Variants in DNAJC11 observed in about 807,000 individuals in gnomAD.
DNAJC11 encodes the protein dnaJ homolog subfamily C member 11.
A neutral mutation model predicts 78.6 loss-of-function variants in DNAJC11; 15 were observed. The ratio of observed to expected loss-of-function variants is 0.19; its 90% CI spans 0.13 to 0.29. The LOEUF (loss-of-function observed/expected upper bound fraction) is 0.29, where lower values mean the gene tolerates loss of function less well. DNAJC11 is among the 10% of genes least tolerant of loss of function. The pLI, the probability that DNAJC11 is intolerant of heterozygous loss-of-function variation, is 1.00. For missense variants in DNAJC11, 547 were observed against 709.6 expected (o/e 0.77, Z 2.60); for synonymous variants, 292 against 272.1 (o/e 1.07, Z -0.72).
chr1:6,652,839 C>T lies in DNAJC11; in HGVS notation c.620G>A (p.Gly207Glu), dbSNP rs781106552. 1 of 1,614,196 alleles carries T rather than the reference C, an allele frequency of 6.2e-7. No individual in the cohort carries two copies. The highest frequency in any genetic ancestry group is 8.5e-7 in the Non-Finnish European group (1 of 1,180,038). ...FALRRVTSAK[G>E]WGELEFGAGD... ...AATAGACATTCTTACCTCTCCCCAT[C>T]CCTTTGCCGAAGTTACTCGTCTGAG... Residue 207 changes from glycine to glutamate, a missense_variant, in exon 6 of 16, where the codon GGA becomes GAA. By Grantham distance (98) the Gly-to-Glu change is moderately conservative. Transcript: ENST00000377577.
At chr1:6,656,414 T>C (rs1642127371) in intron 4 of DNAJC11, among the ~76,000 whole-genome samples, 1 of 152,120 alleles carries the variant, frequency 6.6e-6, no homozygotes, top group African/African-American at 2.4e-5. Flanking sequence ...TAAATAAAGA[T>C]GATTTAGAAA....
At chr1:6,695,121 G>C (rs749673625) in intron 1 of DNAJC11, among the ~76,000 whole-genome samples, 1 of 149,282 alleles carries the variant, frequency 6.7e-6, no homozygotes, top group Non-Finnish European at 1.5e-5. Context: ...GCTCCAGCCT[G>C]GGTGACAGAG....
chr1:6,668,033 A>T (rs190334256), intron 3 of DNAJC11: 2 of 530,324 alleles, frequency 3.8e-6, no homozygotes, highest in Admixed American at 6.4e-5. Context: ...GGTTGAAATG[A>T]GTTTTCACTC....
At position 6,652,882 on chromosome 1, in the gene DNAJC11, C is replaced by T. The variant is rs372958185; in HGVS notation, c.577G>A (p.Gly193Ser). 1 of 1,614,058 alleles carries T rather than the reference C, an allele frequency of 6.2e-7. No individual in the cohort carries two copies. Among genetic ancestry groups the T allele is most frequent in the African/African-American group, 1.3e-5 (1 of 74,924 alleles). The change falls in exon 6 of 16, where the codon GGT becomes AGT. Residue 193 changes from glycine to serine, a missense_variant. Transcript: ENST00000377577. ...CGTCTGAGCGCAAAGTTAATGGAACCTCCTCCATTTCCATTCTGGGTTGAG... is the reference window on the plus strand; with the variant it reads ...CGTCTGAGCGCAAAGTTAATGGAACTTCCTCCATTTCCATTCTGGGTTGAG... Reference protein sequence around the residue: ...SLSTQNGNGGGSINFALRRVT... With the variant: ...SLSTQNGNGGSSINFALRRVT...
At chr1:6,666,423 G>A (rs1185608318) in intron 4 of DNAJC11, among the ~76,000 whole-genome samples, 2 of 127,262 alleles carry the variant, frequency 1.6e-5, no homozygotes, top group African/African-American at 3.2e-5. Context: ...GTCTCACTCT[G>A]TTGTCCAGGC....
At chr1:6,677,274 A>G (rs968338964) in intron 3 of DNAJC11, among the ~76,000 whole-genome samples, 1 of 151,588 alleles carries the variant, frequency 6.6e-6, no homozygotes, top group Non-Finnish European at 1.5e-5. Context: ...AGCAAAATTT[A>G]TTGGGCATCA....
chr1:6,659,394 C>T (rs1434610162), intron 4 of DNAJC11, among the ~76,000 whole-genome samples: 2 of 152,228 alleles, frequency 1.3e-5, no homozygotes, highest in East Asian at 1.9e-4. Flanking sequence ...CAGATGGCCA[C>T]GTGGCTAACT....
At chr1:6,693,016 C>T (rs1249137395) in intron 1 of DNAJC11, among the ~76,000 whole-genome samples, 2 of 152,152 alleles carry the variant, frequency 1.3e-5, no homozygotes, top group African/African-American at 4.8e-5. Flanking sequence ...AGCAATTCTC[C>T]TGTCTCAACC....
intron 1 of DNAJC11, among the ~76,000 whole-genome samples, chr1:6,695,662 G>T (rs1037314549): frequency 1.4e-5 from 1 of 70,620 alleles, no homozygotes; most frequent in African/African-American, 4.7e-5. Context: ...AAAAAAATTA[G>T]CCGGGTGTAC....
intron 7 of DNAJC11, among the ~76,000 whole-genome samples, chr1:6,650,226 A>C (rs1642034138): frequency 1.3e-5 from 2 of 151,722 alleles, no homozygotes; most frequent in African/African-American, 4.8e-5. Flanking sequence ...TTGCATCACT[A>C]TTCTCCAGCC....
chr1:6,665,447 C>A (rs530843476), intron 4 of DNAJC11, among the ~76,000 whole-genome samples: 21 of 152,282 alleles, frequency 1.4e-4, no homozygotes, highest in South Asian at 1.2e-3. Flanking sequence ...GGCAAAAAAA[C>A]CCCTCAGAAA....
At chr1:6,677,837 C>T (rs1023399325) in intron 3 of DNAJC11, among the ~76,000 whole-genome samples, 1 of 152,190 alleles carries the variant, frequency 6.6e-6, no homozygotes, top group Non-Finnish European at 1.5e-5. Flanking sequence ...TTTTGTTTCA[C>T]TCATCACATT....
At chr1:6,693,618 G>A (rs187919160) in intron 1 of DNAJC11, among the ~76,000 whole-genome samples, 585 of 151,896 alleles carry the variant, frequency 3.9e-3, no homozygotes, top group Non-Finnish European at 6.4e-3. Flanking sequence ...TCCTGACCTC[G>A]TGATTCACCC....
intron 1 of DNAJC11, among the ~76,000 whole-genome samples, chr1:6,700,053 C>G (rs1347932835): frequency 6.6e-6 from 1 of 152,224 alleles, no homozygotes; most frequent in Non-Finnish European, 1.5e-5. Flanking sequence ...CCTGCCTTAA[C>G]TGAAGATATT....
At chr1:6,641,543 T>C (rs1282022407) in intron 10 of DNAJC11, among the ~76,000 whole-genome samples, 1 of 151,694 alleles carries the variant, frequency 6.6e-6, no homozygotes, top group East Asian at 1.9e-4. Context: ...AAAAATTTTT[T>C]TTTTTTTTTG....
At chr1:6,693,834 AT>A (rs34877805) in intron 1 of DNAJC11, among the ~76,000 whole-genome samples, 421 of 101,190 alleles carry the variant, frequency 4.2e-3, no homozygotes, top group African/African-American at 0.011. Flanking sequence ...AAGTACCCCC[AT>A]TTTTTTTTTT....
intron 4 of DNAJC11, among the ~76,000 whole-genome samples, chr1:6,667,498 C>T (rs1390709699): frequency 6.6e-6 from 1 of 152,122 alleles, no homozygotes; most frequent in African/African-American, 2.4e-5. Context: ...GGTACAAAAC[C>T]TCCTGGAGAT....
chr1:6,696,022 A>G (rs1383396689), intron 1 of DNAJC11, among the ~76,000 whole-genome samples: 2 of 152,194 alleles, frequency 1.3e-5, no homozygotes, highest in Non-Finnish European at 1.5e-5. Flanking sequence ...TGAAGGTCAC[A>G]CAAGAGGCAG....
At position 6,667,737 on chromosome 1, in the gene DNAJC11, C is replaced by G; in HGVS notation, c.350G>C (p.Arg117Thr). 1 of 1,614,138 alleles carries G rather than the reference C, an allele frequency of 6.2e-7. No homozygotes were observed. Among genetic ancestry groups the G allele is most frequent in the Non-Finnish European group, 8.5e-7 (1 of 1,180,002 alleles). The change falls in exon 4 of 16, where the codon AGG (arginine) becomes ACG (threonine). Residue 117 changes from arginine to threonine, a missense_variant. Arg to Thr is a moderately conservative substitution (Grantham distance 71, BLOSUM62 -1). Transcript: ENST00000377577. The part of the protein sequence containing the change: ...FERLQREREE[R>T]RLQQRTNPKG... The stretch of plus-strand genomic sequence containing the variant: ...GGGATTGGTTCGCTGCTGCAATCTC[C>G]TCTCTTCTCTCTCTCTCTGCAGCCG...
Sources: gnomAD v4.1 joint callset for allele counts (sites outside exome capture counted in the v4.1 genomes callset) on GRCh38, gnomAD v4.1.1 for gene constraint, MANE v1.5 for transcripts, NCBI Gene and HGNC (gene_info 2026-07-23, HGNC 2026-07-21) for gene names.